Variants in PAPSS1 observed in about 807,000 individuals in gnomAD.
PAPSS1 encodes bifunctional 3'-phosphoadenosine 5'-phosphosulfate synthase 1.
A neutral mutation model predicts 72.0 loss-of-function variants in PAPSS1; 50 were observed. The ratio of observed to expected loss-of-function variants is 0.69; its 90% CI spans 0.55 to 0.88. The LOEUF is 0.88. Ranked by LOEUF, PAPSS1 falls within the 40% of genes least tolerant of loss-of-function variation. The pLI is 0.00. For missense variants in PAPSS1, 657 were observed against 782.2 expected (o/e 0.84, Z 1.91); for synonymous variants, 261 against 263.6 (o/e 0.99, Z 0.09).
At chr4:107,710,455 C>A (rs1038153783) in intron 1 of PAPSS1, among the ~76,000 whole-genome samples, 2 of 152,108 alleles carry the variant, frequency 1.3e-5, no homozygotes, top group Non-Finnish European at 2.9e-5. Context: ...TATATTATTT[C>A]CTAGAAAGTA....
At chr4:107,651,362 T>C (rs1422258902) in intron 9 of PAPSS1, among the ~76,000 whole-genome samples, 4 of 152,162 alleles carry the variant, frequency 2.6e-5, no homozygotes, top group East Asian at 1.9e-4. Flanking sequence ...TAGGTATAAA[T>C]AGATAATTCT....
At chr4:107,704,006 T>C (rs1723274104) in intron 1 of PAPSS1, among the ~76,000 whole-genome samples, 1 of 152,236 alleles carries the variant, frequency 6.6e-6, no homozygotes, top group Non-Finnish European at 1.5e-5. Flanking sequence ...CTTTTATTTC[T>C]GTCTTCAATT....
rs145512544 is a variant in PAPSS1 at position 107,662,352 on chromosome 4, T to C, written c.670-2280A>G. Among the ~76,000 whole-genome samples the C allele has an allele frequency of 4.6e-5, 7 of 152,268 alleles. No individual in the cohort carries two copies. In the East Asian group the frequency reaches 5.8e-4, roughly 13 times the overall value. On this transcript the variant is annotated intron_variant, in intron 5 of 11. Coordinates refer to ENST00000265174, the MANE Select transcript of PAPSS1 (RefSeq NM_005443.5). ...CAATTAAGCTTCCAGCAGGCACCCA[T>C]AGCCAAAAGCTATCTATTGTGTTTA...
rs144050492 is a variant in PAPSS1, at chr4:107,682,398, T to C, written c.551-265A>G. ...ACCAAATAGGCTGCAATAAGAATAA[T>C]TGTTTATGGTTTGAGAACTAAAACC... On this transcript the variant is annotated intron_variant, in intron 4 of 11. Coordinates refer to ENST00000265174, the MANE Select transcript of PAPSS1 (RefSeq NM_005443.5). 2.6e-3 allele frequency among the ~76,000 whole-genome samples: 397 copies of C among 152,254 alleles called. 1 individual carries two copies. The highest frequency in any genetic ancestry group is 9.0e-3 in the African/African-American group (375 of 41,540).
intron 5 of PAPSS1, 130 bp from the exon 6 acceptor site, chr4:107,660,202 T>C (rs1202285051): frequency 1.8e-6 from 1 of 568,956 alleles, no homozygotes; most frequent in Admixed American, 3.6e-5. Flanking sequence ...GTGAGTGCTA[T>C]GTTCCCCTCA....
At chr4:107,637,745 TA>T (rs1196864154) in intron 10 of PAPSS1, among the ~76,000 whole-genome samples, 3 of 152,202 alleles carry the variant, frequency 2.0e-5, no homozygotes, top group Non-Finnish European at 4.4e-5. Flanking sequence ...GCACAGAAAC[TA>T]TTTTTTTAGT....
At chr4:107,671,920 T>TA (rs1443814767) in intron 5 of PAPSS1, among the ~76,000 whole-genome samples, 2 of 152,132 alleles carry the variant, frequency 1.3e-5, no homozygotes, top group African/African-American at 4.8e-5. Flanking sequence ...AACCCACAGA[T>TA]ATAGAACTCC....
chr4:107,714,705 T>C (rs1407107891), intron 1 of PAPSS1, among the ~76,000 whole-genome samples: 1 of 152,170 alleles, frequency 6.6e-6, no homozygotes, highest in Non-Finnish European at 1.5e-5. Flanking sequence ...TCCCCCTCCA[T>C]ACGCAAGTAG....
intron 7 of PAPSS1, among the ~76,000 whole-genome samples, chr4:107,655,703 A>T (rs1191227764): frequency 6.6e-6 from 1 of 152,224 alleles, no homozygotes; most frequent in African/African-American, 2.4e-5. Flanking sequence ...CAACGAGAGT[A>T]ATGATAACTG....
chr4:107,713,512 C>A (rs1213936286), intron 1 of PAPSS1, among the ~76,000 whole-genome samples: 2 of 152,106 alleles, frequency 1.3e-5, no homozygotes, highest in African/African-American at 4.8e-5. Flanking sequence ...GTAATCCCAG[C>A]ACTTTGGGAG....
At position 107,699,866 on chromosome 4, in the gene PAPSS1, A is replaced by G. The variant is rs185559058; in HGVS notation, c.175+1305T>C. Among the ~76,000 whole-genome samples the G allele has an allele frequency of 5.9e-4, 90 of 152,312 alleles. 1 individual carries two copies. Among genetic ancestry groups the G allele is most frequent in the Admixed American group, 2.4e-3 (37 of 15,290 alleles). On this transcript the variant is annotated intron_variant, in intron 2 of 11. Transcript: ENST00000265174. ...CATTCTCAAACATAAAACCTCCAGG[A>G]GTTCAGAACCTAATGGAAGGCCATC...
At position 107,614,249 on chromosome 4, in the gene PAPSS1, C is replaced by G; in HGVS notation, c.1875G>C (p.Ter625TyrextTer13). The change falls in exon 12 of 12, where the codon TAG becomes TAC. Residue 625 changes from the stop codon to tyrosine (Y), a stop_lost. Transcript: ENST00000265174. ...AAGGTGGAGTGACTGGGTTAACAGC[C>G]TAAGCTTTCTCCAAGGATTTGTAGT... ...TEYYKSLEKA[*>Y] 1 of 1,612,960 alleles carries G rather than the reference C, an allele frequency of 6.2e-7. No homozygotes were observed. Among genetic ancestry groups the G allele is most frequent in the Non-Finnish European group, 8.5e-7 (1 of 1,179,394 alleles).
chr4:107,660,404 T>C (rs1190201236), intron 5 of PAPSS1, among the ~76,000 whole-genome samples: 1 of 152,202 alleles, frequency 6.6e-6, no homozygotes, highest in Non-Finnish European at 1.5e-5. Flanking sequence ...AAAAACCACC[T>C]GAACCATCAT....
intron 9 of PAPSS1, among the ~76,000 whole-genome samples, chr4:107,647,195 C>G (rs1387002095): frequency 6.6e-6 from 1 of 152,162 alleles, no homozygotes; most frequent in Non-Finnish European, 1.5e-5. Flanking sequence ...AGAATAAATA[C>G]ATGTTAAAAG....
chr4:107,683,189 T>TA, intron 4 of PAPSS1, among the ~76,000 whole-genome samples: 1 of 152,256 alleles, frequency 6.6e-6, no homozygotes, highest in Middle Eastern at 3.4e-3. Flanking sequence ...CCATTAATAT[T>TA]AAAAAATACA....
intron 3 of PAPSS1, among the ~76,000 whole-genome samples, chr4:107,692,778 G>GTATATATATATA (rs148086345): frequency 0.014 from 2,004 of 146,958 alleles, 50 homozygotes; most frequent in African/African-American, 0.047. Context: ...AACACGGTGT[G>GTATATATATATA]TATATATATA....
chr4:107,694,095 C>A, intron 2 of PAPSS1, 89 bp from the exon 3 acceptor site: 1 of 907,820 alleles, frequency 1.1e-6, no homozygotes, highest in South Asian at 1.6e-5. Context: ...AAACAAGAGT[C>A]TTGCTCTGCC....
intron 3 of PAPSS1, among the ~76,000 whole-genome samples, chr4:107,690,914 G>A (rs757326906): frequency 1.3e-5 from 2 of 152,022 alleles, no homozygotes; most frequent in Non-Finnish European, 2.9e-5. Context: ...TCCGAGAGCT[G>A]CAAGATTCCC....
rs1221941006 is a variant in PAPSS1 at position 107,614,136 on chromosome 4, C to T, written c.*113G>A. On this transcript the variant is annotated 3_prime_UTR_variant, in exon 12 of 12. Coordinates refer to ENST00000265174, the MANE Select transcript of PAPSS1 (RefSeq NM_005443.5). ...ACTGATGCAAGTTAAGGAAAATGGT[C>T]TGTTTTTAGGAAGCATGTCCAGACA... 2.7e-6 allele frequency: 3 copies of T among 1,104,000 alleles called. No homozygotes were observed. The highest frequency in any genetic ancestry group is 1.6e-5 in the African/African-American group (1 of 63,182). 68.4% of individuals were successfully genotyped at this position (1,104,000 alleles called of 1,614,324 possible).
Sources: gnomAD v4.1 joint callset for allele counts (sites outside exome capture counted in the v4.1 genomes callset) on GRCh38, gnomAD v4.1.1 for gene constraint, MANE v1.5 for transcripts, NCBI Gene and HGNC (gene_info 2026-07-23, HGNC 2026-07-21) for gene names.